The following TTN variants were observed in gnomAD, a reference collection of about 807,000 sequenced individuals.
TTN encodes connectin.
A neutral mutation model predicts 3,223.0 loss-of-function variants in TTN; 1,525 were observed. The ratio of observed to expected loss-of-function variants is 0.47; its 90% CI spans 0.45 to 0.49. TTN has a LOEUF of 0.49. Among genes scored for constraint, TTN ranks in the 20% least tolerant of loss-of-function variants. TTN has a pLI of 0.00. For missense variants in TTN, 40,786 were observed against 43,424.0 expected (o/e 0.94, Z 5.40); for synonymous variants, 14,094 against 15,161.0 (o/e 0.93, Z 5.17).
intron 44 of TTN, 71 bp from the exon 45 acceptor site, chr2:178,757,987 C>A: frequency 6.9e-7 from 1 of 1,459,086 alleles, no homozygotes; most frequent in South Asian, 1.6e-5. Flanking sequence ...GAGTTGTCTA[C>A]AGATTTGTCA....
Position 178,654,222 on chromosome 2 carries a change from G to A in TTN, c.38366C>T (p.Ala12789Val). 2.5e-6 allele frequency: 4 copies of A among 1,597,328 alleles called. No homozygotes were observed. Among genetic ancestry groups the A allele is most frequent in the Non-Finnish European group, 3.4e-6 (4 of 1,177,904 alleles). ...VSVAVPKKPE[A>V]PRAKVPEAAQ... ...GGAATAAATACCTTTTGCACGTGGG[G>A]CTTCCGGTTTTTTGGGCACAGCCAC... The change falls in exon 193 of 363, where the codon GCC (alanine) becomes GTC (valine). Residue 12789 changes from alanine to valine, a missense_variant. Physicochemically the swap from Ala to Val is moderately conservative, Grantham distance 64. Coordinates refer to ENST00000589042, the MANE Select transcript of TTN (RefSeq NM_001267550.2).
At position 178,614,903 on chromosome 2, in the gene TTN, T is replaced by A; in HGVS notation, c.48704A>T (p.Gln16235Leu). The part of the protein sequence containing the change: ...YAYRVKALNR[Q>L]GASKPSRPTE... ...GGGTCTGCTTGGTTTGCTAGCACCC[T>A]GCCTGTTTAAGGCCTTCACGCGGTA... The change falls in exon 260 of 363, where the codon CAG (glutamine) becomes CTG (leucine). Residue 16235 changes from glutamine to leucine, a missense_variant. Physicochemically the swap from Gln to Leu is moderately radical, Grantham distance 113 (BLOSUM62 -2). Coordinates refer to ENST00000589042, the MANE Select transcript of TTN (RefSeq NM_001267550.2). 1.3e-6 allele frequency: 2 copies of A among 1,586,846 alleles called. No individual in the cohort carries two copies. Among genetic ancestry groups the A allele is most frequent in the Non-Finnish European group, 1.7e-6 (2 of 1,165,066 alleles).
In TTN at chr2:178,663,357, G is replaced by A. The variant is rs2065120848; in HGVS notation, c.36617-8C>T. The A allele has an allele frequency of 1.9e-6, 3 of 1,597,902 alleles. No homozygotes were observed. Among genetic ancestry groups the A allele is most frequent in the Non-Finnish European group, 1.7e-6 (2 of 1,175,540 alleles). On this transcript the variant is annotated splice_polypyrimidine_tract_variant and splice_region_variant and intron_variant, in intron 172 of 362. Transcript: ENST00000589042. Reference sequence around the variant, plus strand: ...CCTTTGGCACCTCTGGGACTTTAAAGATATTAGTATTTTCATTATTAGACA... The same window carrying A: ...CCTTTGGCACCTCTGGGACTTTAAAAATATTAGTATTTTCATTATTAGACA...
Position 178,732,695 on chromosome 2 carries a change from G to C in TTN, c.16366C>G (p.Pro5456Ala). 3 of 1,597,712 alleles carry C rather than the reference G, an allele frequency of 1.9e-6. No homozygotes were observed. Among genetic ancestry groups the C allele is most frequent in the Non-Finnish European group, 2.6e-6 (3 of 1,171,890 alleles). Residue 5456 changes from proline (P) to alanine (A), a missense_variant, in exon 56 of 363, where the codon CCC (proline) becomes GCC (alanine). Physicochemically the swap from Pro to Ala is conservative, Grantham distance 27. Coordinates refer to ENST00000589042, the MANE Select transcript of TTN (RefSeq NM_001267550.2). Reference protein sequence around the residue: ...VQEPPSFVTKPGSKDVLPGSA... With the variant: ...VQEPPSFVTKAGSKDVLPGSA... The stretch of plus-strand genomic sequence containing the variant: ...CCAGGCAGAACATCCTTTGAGCCGG[G>C]TTTAGTTACAAAACTGGGTGGTTCT...
At chr2:178,683,907 T>A in intron 133 of TTN, 92 bp downstream of exon 133, 1 of 893,982 alleles carries the variant, frequency 1.1e-6, no homozygotes, top group Non-Finnish European at 1.6e-6. Context: ...ATACTATGTC[T>A]TTTTTTTTCT....
rs763904872 is a variant in TTN, at chr2:178,741,197, T to G, written c.12036A>C (p.Lys4012Asn). 6.2e-7 allele frequency: 1 copy of G among 1,613,364 alleles called. No homozygotes were observed. The highest frequency in any genetic ancestry group is 1.7e-5 in the Admixed American group (1 of 60,010). ...TGGACTCACCCAACATATTCTCTGC[T>G]TTACAGATATAGAGGCCACTGTCTT... is the stretch of plus-strand genomic sequence containing the variant. ...QREDSGLYIC[K>N]AENMLGESTC... is the part of the protein sequence containing the mutation. The change falls in exon 48 of 363, where the codon AAA (lysine) becomes AAC (asparagine). Residue 4012 changes from lysine (K) to asparagine (N), a missense_variant. Lys to Asn is a moderately conservative substitution (Grantham distance 94). Coordinates refer to ENST00000589042, the MANE Select transcript of TTN (RefSeq NM_001267550.2).
At chr2:178,619,288 A>G in intron 250 of TTN, 1 of 394,446 alleles carries the variant, frequency 2.5e-6, no homozygotes, top group East Asian at 5.7e-5. Context: ...ACATACCTAA[A>G]AGGCACACAG....
rs780650251 is a variant in TTN at position 178,624,638 on chromosome 2, G to A, written c.44642C>T (p.Ala14881Val). The change falls in exon 242 of 363, where the codon GCT becomes GTT. Residue 14881 changes from alanine to valine, a missense_variant. Transcript: ENST00000589042. ...VLECEVSREN[A>V]KVKWFKNGTE... Reference sequence around the variant, plus strand: ...CCCATTTTTGAACCATTTCACCTTAGCATTTTCTCTGGAGACTTCACACTC... The same window carrying A: ...CCCATTTTTGAACCATTTCACCTTAACATTTTCTCTGGAGACTTCACACTC... The A allele has an allele frequency of 2.5e-6, 4 of 1,612,468 alleles. No homozygotes were observed. The Admixed American group carries it at 5.0e-5, about 20-fold the overall frequency.
At chr2:178,623,163 C>T (rs2058552714) in intron 242 of TTN, among the ~76,000 whole-genome samples, 2 of 151,846 alleles carry the variant, frequency 1.3e-5, no homozygotes, top group South Asian at 4.1e-4. Context: ...AGGCACTTAG[C>T]ACAATCTTTG....
chr2:178,783,856 G>T, intron 16 of TTN, 71 bp from the exon 17 acceptor site: 1 of 1,228,932 alleles, frequency 8.1e-7, no homozygotes, highest in South Asian at 1.5e-5. Context: ...CTTAGCTCAT[G>T]CAACATTATA....
At chr2:178,587,859 A>G (rs766364497) in intron 305 of TTN, 40 bp downstream of exon 305, 1 of 1,567,974 alleles carries the variant, frequency 6.4e-7, no homozygotes, top group Non-Finnish European at 8.6e-7. Flanking sequence ...ATCATAAGAA[A>G]TTAAGTGTGA....
At position 178,599,617 on chromosome 2, in the gene TTN, A is replaced by T; in HGVS notation, c.56284T>A (p.Tyr18762Asn). The change falls in exon 289 of 363, where the codon TAT becomes AAT. Residue 18762 changes from tyrosine to asparagine, a missense_variant. Coordinates refer to ENST00000589042, the MANE Select transcript of TTN (RefSeq NM_001267550.2). ...AGATTATTTACAGCTGTGATGGTAT[A>T]TAAGCCAGTGTCACTCCTGCGAGAC... ...PQSRRSDTGLYTITAVNNLGT... is the reference protein window; with the variant it reads ...PQSRRSDTGLNTITAVNNLGT... 6.2e-7 allele frequency: 1 copy of T among 1,611,498 alleles called. No individual in the cohort carries two copies. The highest frequency in any genetic ancestry group is 8.5e-7 in the Non-Finnish European group (1 of 1,178,632).
chr2:178,537,671 A>T lies in TTN; in HGVS notation c.99536T>A (p.Val33179Asp), dbSNP rs576759867. Residue 33179 changes from valine to aspartate, a missense_variant, in exon 355 of 363, where the codon GTT becomes GAT. By Grantham distance (152) the Val-to-Asp change is radical. Transcript: ENST00000589042. ...CTTACTACTGGTTTCTACTTCTCCA[A>T]CCTCATTGGTGGCTATGCAGGTATA... Reference protein sequence around the residue: ...GVYTCIATNEVGEVETSSKLL... With the variant: ...GVYTCIATNEDGEVETSSKLL... 5.0e-6 allele frequency: 8 copies of T among 1,613,630 alleles called. No homozygotes were observed. In the Admixed American group the frequency reaches 1.2e-4, roughly 24 times the overall value.
At chr2:178,674,708 C>T (rs758868422) in intron 150 of TTN, among the ~76,000 whole-genome samples, 6 of 151,408 alleles carry the variant, frequency 4.0e-5, no homozygotes, top group Non-Finnish European at 5.9e-5. Flanking sequence ...ACCAGTTACT[C>T]AGGCTTAACT....
rs760304866 is a variant in TTN at position 178,563,868 on chromosome 2, T to C, written c.82264A>G (p.Thr27422Ala). Residue 27422 changes from threonine to alanine, a missense_variant, in exon 326 of 363, where the codon ACT (threonine) becomes GCT (alanine). By Grantham distance (58) the Thr-to-Ala change is moderately conservative. Transcript: ENST00000589042. The surrounding 1 kb of genome is among the most constrained non-coding windows in gnomAD (Gnocchi z 4.5). ...TTGTAGTTAAGGGCCTGTACCTCAG[T>C]TGAAACCTGGGTCCAAGAGAGTCGG... ...TSRLSWTQVS[T>A]EVQALNYKVT... 11 of 1,613,752 alleles carry C rather than the reference T, an allele frequency of 6.8e-6. No homozygotes were observed. Among genetic ancestry groups the C allele is most frequent in the Non-Finnish European group, 9.3e-6 (11 of 1,179,756 alleles).
rs375407842 is a variant in TTN, at chr2:178,564,042, C to T, written c.82090G>A (p.Val27364Ile). 4.3e-6 allele frequency: 7 copies of T among 1,613,646 alleles called. No homozygotes were observed. The highest frequency in any genetic ancestry group is 5.9e-6 in the Non-Finnish European group (7 of 1,179,752). ...GGCCCTGGCCTGTCAAGTACCTTTA[C>T]AGTGATGGGTATAGACTTTGTACCA... ...VGGTKSIPIT[V>I]KVLDRPGPPE... The change falls in exon 326 of 363, where the codon GTA becomes ATA. Residue 27364 changes from valine to isoleucine, a missense_variant. Physicochemically the swap from Val to Ile is conservative, Grantham distance 29. Transcript: ENST00000589042.
chr2:178,617,887 C>T lies in TTN; in HGVS notation c.47464G>A (p.Asp15822Asn). Reference sequence around the variant, plus strand: ...CTGTACTCCTGTCCTTCTACCACATCAGTAACAGTTGCAGACAGGTCTTCA... The same window carrying T: ...CTGTACTCCTGTCCTTCTACCACATTAGTAACAGTTGCAGACAGGTCTTCA... Reference protein sequence around the residue: ...RAEDLSATVTDVVEGQEYSFR... With the variant: ...RAEDLSATVTNVVEGQEYSFR... Residue 15822 changes from aspartate to asparagine, a missense_variant, in exon 253 of 363, where the codon GAT becomes AAT. Asp to Asn is a conservative substitution (Grantham distance 23). Coordinates refer to ENST00000589042, the MANE Select transcript of TTN (RefSeq NM_001267550.2). 1.9e-6 allele frequency: 3 copies of T among 1,612,696 alleles called. No individual in the cohort carries two copies. Among genetic ancestry groups the T allele is most frequent in the Non-Finnish European group, 2.5e-6 (3 of 1,179,112 alleles).
chr2:178,686,110 T>G (rs928910420), intron 127 of TTN, among the ~76,000 whole-genome samples: 1 of 128,518 alleles, frequency 7.8e-6, no homozygotes, highest in African/African-American at 3.2e-5. Flanking sequence ...GTATACAGTT[T>G]TAATTTTTTT....
chr2:178,593,180 A>T lies in TTN; in HGVS notation c.59028T>A (p.Asp19676Glu). 6.2e-7 allele frequency: 1 copy of T among 1,613,194 alleles called. No homozygotes were observed. The highest frequency in any genetic ancestry group is 8.5e-7 in the Non-Finnish European group (1 of 1,179,552). The change falls in exon 299 of 363, where the codon GAT (aspartate) becomes GAA (glutamate). Residue 19676 changes from aspartate to glutamate, a missense_variant. Physicochemically the swap from Asp to Glu is conservative, Grantham distance 45. Coordinates refer to ENST00000589042, the MANE Select transcript of TTN (RefSeq NM_001267550.2). ...AATCCATTAATACTATACCAATTGG[A>T]TCTTTAGCAAAGACTGGTTTGGATG... is the stretch of plus-strand genomic sequence containing the variant. ...SPPSKPVFAK[D>E]PIAKPSPPVN...
Sources: gnomAD v4.1 joint callset for allele counts (sites outside exome capture counted in the v4.1 genomes callset) on GRCh38, gnomAD v4.1.1 for gene constraint, Gnocchi (gnomAD v3.1) non-coding constraint, MANE v1.5 for transcripts, NCBI Gene and HGNC (gene_info 2026-07-23, HGNC 2026-07-21) for gene names.